Variants in METTL25B observed in about 807,000 individuals in gnomAD.
The protein encoded by METTL25B is methyltransferase like 25B, also known as methyltransferase-like protein 25B.
A neutral mutation model predicts 48.4 loss-of-function variants in METTL25B; 38 were observed. The observed-to-expected ratio is 0.78, with a 90% CI of 0.61 to 1.03. The LOEUF (loss-of-function observed/expected upper bound fraction) is 1.03. Ranked by LOEUF, METTL25B falls within the 50% of genes least tolerant of loss-of-function variation. METTL25B has a pLI of 0.00. For synonymous variants in METTL25B, 230 were observed against 254.5 expected, an observed-to-expected ratio of 0.90 and a Z score of 0.92; for missense variants, 537 against 603.7, an observed-to-expected ratio of 0.89 and a Z score of 1.16.
intron 2 of METTL25B, 66 bp from the exon 3 acceptor site, chr1:156,732,215 G>A (rs1649354731): frequency 1.2e-6 from 2 of 1,608,290 alleles, no homozygotes; most frequent in East Asian, 4.5e-5. Context: ...TGGGCCTCGG[G>A]TTGTAAACTG....
chr1:156,731,419 C>T (rs562558225), intron 1 of METTL25B, among the ~76,000 whole-genome samples: 9 of 152,256 alleles, frequency 5.9e-5, no homozygotes, highest in African/African-American at 1.4e-4. Flanking sequence ...CCACCATGCC[C>T]GGCCAAAGTT....
intron 1 of METTL25B, 78 bp downstream of exon 1, chr1:156,729,293 A>G: frequency 2.5e-6 from 2 of 797,714 alleles, no homozygotes; most frequent in South Asian, 2.9e-5. Flanking sequence ...GAGAATCTGG[A>G]GAATTAGCCT....
chr1:156,734,119 G>C lies in METTL25B; in HGVS notation c.747G>C (p.Arg249Ser). The change falls in exon 6 of 8, where the codon AGG (arginine) becomes AGC (serine). Residue 249 changes from arginine (R) to serine (S), a missense_variant. By Grantham distance (110) the Arg-to-Ser change is moderately radical. Transcript: ENST00000368216. ...CACTGGAGAACCCGTGTCAGGGCAG[G>C]GCCCGCTTGCTGCTCACAGGCCTCC... ...LLPLENPCQG[R>S]ARLLLTGLHA... The C allele has an allele frequency of 6.2e-7, 1 of 1,614,192 alleles. No individual in the cohort carries two copies. The highest frequency in any genetic ancestry group is 8.5e-7 in the Non-Finnish European group (1 of 1,180,038).
Position 156,734,061 on chromosome 1 carries a change from A to AC in METTL25B, c.693dup (p.Thr232HisfsTer5). 1 of 1,613,686 alleles carries AC rather than the reference A, an allele frequency of 6.2e-7. No homozygotes were observed. The highest frequency in any genetic ancestry group is 8.5e-7 in the Non-Finnish European group (1 of 1,179,788). ...CCACACCACGTGGTTAGGTGGGTAG[A>AC]CCCCACAGCCCTGTGTGAGGAGCTT... On this transcript the variant is annotated frameshift_variant, in exon 6 of 8. Transcript: ENST00000368216. LOFTEE classifies it high-confidence loss of function.
At position 156,734,103 on chromosome 1, in the gene METTL25B, AC is replaced by A. The variant is rs1376815363; in HGVS notation, c.734del (p.Pro245ArgfsTer19). The A allele has an allele frequency of 1.9e-6, 3 of 1,614,216 alleles. No individual in the cohort carries two copies. Among genetic ancestry groups the A allele is most frequent in the Middle Eastern group, 1.6e-4 (1 of 6,062 alleles). ...LCEELLLPLE[N>X]PCQGRARLLL... ...GAGGAGCTTCTGCTTCCACTGGAGA[AC>A]CCGTGTCAGGGCAGGGCCCGCTTGC... On this transcript the variant is annotated frameshift_variant, in exon 6 of 8. Coordinates refer to ENST00000368216, the MANE Select transcript of METTL25B (RefSeq NM_015997.4). LOFTEE classifies it high-confidence loss of function.
chr1:156,732,852 A>G (rs1390622535), intron 3 of METTL25B, 133 bp from the exon 4 acceptor site: 1 of 765,088 alleles, frequency 1.3e-6, no homozygotes. Flanking sequence ...TTCTTTCCAA[A>G]TCTGTCTTCA....
At chr1:156,734,707 A>G (rs1159494257) in intron 6 of METTL25B, among the ~76,000 whole-genome samples, 3 of 151,216 alleles carry the variant, frequency 2.0e-5, no homozygotes, top group African/African-American at 4.9e-5. Context: ...AATTTTTTGT[A>G]TTTTTAGTAG....
chr1:156,733,499 AGAG>A lies in METTL25B; in HGVS notation c.619_621del (p.Glu207del), dbSNP rs767929713. The A allele has an allele frequency of 8.1e-6, 13 of 1,613,862 alleles. No individual in the cohort carries two copies. The Admixed American group carries it at 8.3e-5, about 10-fold the overall frequency. On this transcript the variant is annotated inframe_deletion, in exon 5 of 8. Transcript: ENST00000368216. ...AGGAGCTTCTGCAGGCTCTGGAGAA[AGAG>A]GAGAAGAGGAACCCGCAGGTAGGCC...
chr1:156,735,814 AC>A lies in METTL25B; in HGVS notation c.1213del (p.Arg405ValfsTer75). 1.2e-6 allele frequency: 2 copies of A among 1,612,772 alleles called. No individual in the cohort carries two copies. Among genetic ancestry groups the A allele is most frequent in the Non-Finnish European group, 1.7e-6 (2 of 1,179,730 alleles). On this transcript the variant is annotated frameshift_variant, in exon 7 of 8. Transcript: ENST00000368216. LOFTEE classifies it high-confidence loss of function. ...AALQAHVAQE[N>X]RVVAFFSLAL... The stretch of plus-strand genomic sequence containing the variant: ...CTTCAGGCCCACGTGGCCCAGGAGA[AC>A]CGTGTGGTGGCCTTCTTCAGCCTGG...
Position 156,733,050 on chromosome 1 carries a change from G to A in METTL25B, c.492+3G>A, listed in dbSNP as rs1234274281. 1.2e-6 allele frequency: 2 copies of A among 1,613,928 alleles called. No individual in the cohort carries two copies. Among genetic ancestry groups the A allele is most frequent in the African/African-American group, 1.3e-5 (1 of 75,044 alleles). On this transcript the variant is annotated splice_donor_region_variant and intron_variant, in intron 4 of 7. Transcript: ENST00000368216. ...TTGTAGACGTGGGCTCAGGCCAGGT[G>A]AGCCAGAGTCTTGATGTACTGTTTT...
At chr1:156,730,553 G>A (rs1305843206) in intron 1 of METTL25B, among the ~76,000 whole-genome samples, 3 of 150,448 alleles carry the variant, frequency 2.0e-5, no homozygotes, top group South Asian at 2.1e-4. Context: ...GTGAAACCCC[G>A]TCTCTACTAA....
chr1:156,736,216 C>T (rs568913676), intron 7 of METTL25B: 17 of 262,658 alleles, frequency 6.5e-5, no homozygotes, highest in East Asian at 4.1e-4. Flanking sequence ...AAAAAGTAGC[C>T]GGGTATGGTG....
intron 6 of METTL25B, 142 bp downstream of exon 6, chr1:156,734,635 C>T: frequency 1.0e-6 from 1 of 952,478 alleles, no homozygotes; most frequent in Non-Finnish European, 1.5e-6. Context: ...GGGTTCATGC[C>T]ATTCTCATGC....
intron 1 of METTL25B, 99 bp downstream of exon 1, chr1:156,729,314 T>C: frequency 1.4e-6 from 1 of 709,028 alleles, no homozygotes. Context: ...CTGATCTCTT[T>C]CCTTCTATGA....
At chr1:156,735,315 C>A (rs1191226294) in intron 6 of METTL25B, among the ~76,000 whole-genome samples, 1 of 149,994 alleles carries the variant, frequency 6.7e-6, no homozygotes, top group East Asian at 2.0e-4. Flanking sequence ...TTTTTAAATG[C>A]TAAAAGTATG....
intron 1 of METTL25B, among the ~76,000 whole-genome samples, chr1:156,730,570 A>ATT (rs1223955577): frequency 7.3e-6 from 1 of 137,566 alleles, no homozygotes. Context: ...CTAAAATAAA[A>ATT]TAAAATAAAA....
At position 156,734,146 on chromosome 1, in the gene METTL25B, C is replaced by A. The variant is rs751318703; in HGVS notation, c.774C>A (p.His258Gln). The change falls in exon 6 of 8, where the codon CAC becomes CAA. Residue 258 changes from histidine to glutamine, a missense_variant. Coordinates refer to ENST00000368216, the MANE Select transcript of METTL25B (RefSeq NM_015997.4). ...CCCGCTTGCTGCTCACAGGCCTCCA[C>A]GCCTGTGGGGATCTGAGTGTTGCCT... Reference protein sequence around the residue: ...GRARLLLTGLHACGDLSVALL... With the variant: ...GRARLLLTGLQACGDLSVALL... The A allele has an allele frequency of 4.3e-6, 7 of 1,614,090 alleles. No individual in the cohort carries two copies. Among genetic ancestry groups the A allele is most frequent in the African/African-American group, 4.0e-5 (3 of 74,952 alleles).
Position 156,736,786 on chromosome 1 carries a change from T to A in METTL25B, c.*33T>A, listed in dbSNP as rs765282483. ...TGAGGAAACATCTCAGACCCCATCA[T>A]CTGAAAGTGCCCAGAGAGCACAGTG... On this transcript the variant is annotated 3_prime_UTR_variant, in exon 8 of 8. Coordinates refer to ENST00000368216, the MANE Select transcript of METTL25B (RefSeq NM_015997.4). The A allele has an allele frequency of 1.3e-6, 2 of 1,598,558 alleles. No homozygotes were observed.
rs1055203240 is a variant in METTL25B, at chr1:156,728,882, CCTT to C, written c.-220_-218del. On this transcript the variant is annotated 5_prime_UTR_variant, in exon 1 of 8. Coordinates refer to ENST00000368216, the MANE Select transcript of METTL25B (RefSeq NM_015997.4). The stretch of plus-strand genomic sequence containing the variant: ...GCCCTACGTGTCTCTGACGCTGACA[CCTT>C]CTCACTGTGAAACGTCGCGACCTGT... 1.8e-5 allele frequency: 11 copies of C among 627,448 alleles called. No individual in the cohort carries two copies. The highest frequency in any genetic ancestry group is 1.5e-4 in the African/African-American group (8 of 51,616). The allele number at this position is 627,448 out of a possible 1,614,324, so 38.9% of individuals were successfully genotyped here.
Sources: allele counts gnomAD v4.1 joint callset (sites outside exome capture counted in the v4.1 genomes callset), GRCh38; gene constraint gnomAD v4.1.1; transcripts MANE v1.5; gene names NCBI Gene and HGNC (gene_info 2026-07-23, HGNC 2026-07-21).